The following SCARA5 variants were observed in gnomAD, a reference collection of about 807,000 sequenced individuals.
SCARA5 encodes the protein scavenger receptor class A member 5.
Under a neutral mutation model 46.3 loss-of-function variants are expected in SCARA5, and 45 were observed. The observed-to-expected ratio is 0.97, with a 90% confidence interval of 0.76 to 1.24. The LOEUF is 1.24. Ranked by LOEUF, SCARA5 falls within the 50% of genes most tolerant of loss-of-function variation. SCARA5 has a pLI of 0.00. For synonymous variants in SCARA5, 333 were observed against 306.5 expected (o/e 1.09, Z -0.90); for missense variants, 680 against 689.0 (o/e 0.99, Z 0.15).
At chr8:27,946,794 C>G (rs1037351335) in intron 3 of SCARA5, among the ~76,000 whole-genome samples, 20 of 152,144 alleles carry the variant, frequency 1.3e-4, no homozygotes, top group Admixed American at 1.3e-3. Context: ...GGAATGCCCC[C>G]CTTTCTGATT....
intron 5 of SCARA5, among the ~76,000 whole-genome samples, chr8:27,908,010 G>A (rs1807296736): frequency 6.6e-6 from 1 of 152,268 alleles, no homozygotes; most frequent in Admixed American, 6.5e-5. Context: ...GCCAATCGGA[G>A]CTCAGAGAGA....
At chr8:27,935,419 C>T (rs1285066395) in intron 3 of SCARA5, among the ~76,000 whole-genome samples, 3 of 152,112 alleles carry the variant, frequency 2.0e-5, no homozygotes, top group Non-Finnish European at 2.9e-5. Flanking sequence ...GTGGTTGGAG[C>T]ACAAGAGTCT....
chr8:27,897,998 C>T (rs1275186577), intron 7 of SCARA5, among the ~76,000 whole-genome samples: 2 of 152,220 alleles, frequency 1.3e-5, no homozygotes, highest in Non-Finnish European at 2.9e-5. Flanking sequence ...TTTTCCCTGC[C>T]AGGGCACGGG....
At chr8:27,982,760 G>A (rs780516881) in intron 2 of SCARA5, among the ~76,000 whole-genome samples, 6 of 152,156 alleles carry the variant, frequency 3.9e-5, no homozygotes, top group Admixed American at 1.3e-4. Flanking sequence ...GGGACAGGAC[G>A]AGCTGGAGGA....
chr8:27,901,288 G>A (rs887902453), intron 7 of SCARA5, among the ~76,000 whole-genome samples: 4 of 152,062 alleles, frequency 2.6e-5, no homozygotes, highest in East Asian at 1.9e-4. Flanking sequence ...TGCTGCTAAC[G>A]GCACGGGCTT....
chr8:27,944,257 C>T (rs779650794), intron 3 of SCARA5, among the ~76,000 whole-genome samples: 14 of 152,026 alleles, frequency 9.2e-5, no homozygotes, highest in Admixed American at 3.3e-4. Context: ...CTTGGAGCAA[C>T]GGAAGAAAAT....
chr8:27,953,396 T>C (rs1808160657), intron 3 of SCARA5, among the ~76,000 whole-genome samples: 4 of 152,222 alleles, frequency 2.6e-5, no homozygotes, highest in Admixed American at 6.5e-5. Flanking sequence ...GACGCATTGC[T>C]CTGTCCAGCC....
chr8:27,943,422 A>G (rs1030383900), intron 3 of SCARA5, among the ~76,000 whole-genome samples: 1 of 152,124 alleles, frequency 6.6e-6, no homozygotes, highest in Non-Finnish European at 1.5e-5. Flanking sequence ...CGGGAGTGAG[A>G]CTCTGACTAA....
intron 3 of SCARA5, among the ~76,000 whole-genome samples, chr8:27,924,005 G>A: frequency 6.6e-6 from 1 of 152,178 alleles, no homozygotes; most frequent in Middle Eastern, 3.2e-3. Context: ...GAACAGTGAT[G>A]TGTGTCTTCA....
In SCARA5 at chr8:27,883,271, G is replaced by A. The variant is rs76338806; in HGVS notation, c.1154-3505C>T. ...ACCAGAGCAACTGAAAGAAGCCTTT[G>A]GATCATCACAAAGCCAGGGTTTGGC... is the stretch of plus-strand genomic sequence containing the variant. On this transcript the variant is annotated intron_variant, in intron 7 of 8. Coordinates refer to ENST00000354914, the MANE Select transcript of SCARA5 (RefSeq NM_173833.6). 2.1e-3 allele frequency among the ~76,000 whole-genome samples: 315 copies of A among 152,328 alleles called. 1 individual carries two copies. Among genetic ancestry groups the A allele is most frequent in the African/African-American group, 7.0e-3 (290 of 41,566 alleles).
intron 7 of SCARA5, among the ~76,000 whole-genome samples, chr8:27,888,829 T>A (rs1806937458): frequency 6.6e-6 from 1 of 152,212 alleles, no homozygotes; most frequent in Non-Finnish European, 1.5e-5. Context: ...CTGGTTTCAC[T>A]GTGTAACCCT....
chr8:27,975,290 T>C (rs1169413969), intron 2 of SCARA5, among the ~76,000 whole-genome samples: 2 of 152,182 alleles, frequency 1.3e-5, no homozygotes, highest in African/African-American at 4.8e-5. Context: ...AGACCCACCC[T>C]GTGCACCTCT....
chr8:27,951,429 A>G (rs1022507296), intron 3 of SCARA5, among the ~76,000 whole-genome samples: 3 of 152,240 alleles, frequency 2.0e-5, no homozygotes, highest in African/African-American at 7.2e-5. Context: ...AAAGAGCCCC[A>G]AAGTAGACAT....
intron 3 of SCARA5, among the ~76,000 whole-genome samples, chr8:27,930,410 T>C (rs1356038864): frequency 6.6e-6 from 1 of 152,136 alleles, no homozygotes; most frequent in Non-Finnish European, 1.5e-5. Context: ...AAACTTCTTT[T>C]TTTTTTTTTG....
intron 7 of SCARA5, among the ~76,000 whole-genome samples, chr8:27,895,478 C>T (rs1291436005): frequency 6.6e-6 from 1 of 152,220 alleles, no homozygotes; most frequent in African/African-American, 2.4e-5. Flanking sequence ...ATGCTATTTC[C>T]TAATGCCAAT....
rs1230257718 is a variant in SCARA5, at chr8:27,892,606, C to CTT, written c.1153+12170_1153+12171dup. Among the ~76,000 whole-genome samples, 242 of 126,958 alleles carry CTT rather than the reference C, an allele frequency of 1.9e-3. 3 individuals carry two copies. Among genetic ancestry groups the CTT allele is most frequent in the Middle Eastern group, 8.5e-3 (2 of 234 alleles). The allele number at this position is 126,958 out of a possible 152,430, so 83.3% of individuals were successfully genotyped here. ...AGAAGTGACCTCTCCATACCTCACC[C>CTT]TTTTTTTTTTTTTTTTTTTTTGAGA... On this transcript the variant is annotated intron_variant, in intron 7 of 8. Transcript: ENST00000354914.
At chr8:27,904,493 C>T (rs1044365484) in intron 7 of SCARA5, 5 of 536,540 alleles carry the variant, frequency 9.3e-6, no homozygotes, top group Admixed American at 9.1e-5. Context: ...CACTGAGGCA[C>T]AGAGATTATA....
At chr8:27,983,117 C>T (rs1808649425) in intron 2 of SCARA5, among the ~76,000 whole-genome samples, 3 of 152,220 alleles carry the variant, frequency 2.0e-5, no homozygotes, top group Admixed American at 1.3e-4. Flanking sequence ...CTCCTTTCAT[C>T]TCTGGACTGA....
At chr8:27,991,414 A>G (rs1563203993) in intron 1 of SCARA5, among the ~76,000 whole-genome samples, 1 of 152,224 alleles carries the variant, frequency 6.6e-6, no homozygotes, top group Non-Finnish European at 1.5e-5. Context: ...AGTCTCAGAA[A>G]CAAAGCTGTT....
Sources: allele counts gnomAD v4.1 joint callset (sites outside exome capture counted in the v4.1 genomes callset), GRCh38; gene constraint gnomAD v4.1.1; transcripts MANE v1.5; gene names NCBI Gene and HGNC (gene_info 2026-07-23, HGNC 2026-07-21).